The following DPY19L4 variants were observed in gnomAD, a reference collection of about 807,000 sequenced individuals.
DPY19L4 encodes the protein dpy-19 like 4.
DPY19L4 carries 97 observed loss-of-function variants against 102.8 expected under a neutral mutation model. The observed-to-expected ratio is 0.94, with a 90% confidence interval of 0.80 to 1.12. The LOEUF (loss-of-function observed/expected upper bound fraction) is 1.12, where lower values mean the gene tolerates loss of function less well. Ranked by LOEUF, DPY19L4 falls within the 50% of genes most tolerant of loss-of-function variation. DPY19L4 has a pLI of 0.00. For missense variants in DPY19L4, 815 were observed against 850.4 expected, an observed-to-expected ratio of 0.96 and a Z score of 0.52; for synonymous variants, 252 against 283.1, an observed-to-expected ratio of 0.89 and a Z score of 1.10.
In DPY19L4 at chr8:94,738,386, C is replaced by T. The variant is rs1243071214; in HGVS notation, c.270C>T (p.Ile90=). 14 of 1,523,630 alleles carry T rather than the reference C, an allele frequency of 9.2e-6. No individual in the cohort carries two copies. Among genetic ancestry groups the T allele is most frequent in the Non-Finnish European group, 1.1e-5 (12 of 1,138,006 alleles). 94.4% of individuals were successfully genotyped at this position (1,523,630 alleles called of 1,614,324 possible). ...FSNRQELERE[I]TFQGDSAIYY... is the part of the protein sequence containing the mutation. ...TCTTTTAGGAGCTTGAACGGGAAAT[C>T]ACGTTTCAGGGTGACAGTGCCATTT... The change falls in exon 4 of 19, where the codon ATC becomes ATT. Residue 90 remains isoleucine, a synonymous_variant. Transcript: ENST00000414645.
chr8:94,727,953 T>C lies in DPY19L4; in HGVS notation c.127+1512T>C, dbSNP rs188832327. On this transcript the variant is annotated intron_variant, in intron 2 of 18. Coordinates refer to ENST00000414645, the MANE Select transcript of DPY19L4 (RefSeq NM_181787.3). ...CCTTGCAAGCAGGGCTTTCTTTTTTTCCTTTTTCTTTTTCTTTTTTTTTCT... is the reference window on the plus strand; with the variant it reads ...CCTTGCAAGCAGGGCTTTCTTTTTTCCCTTTTTCTTTTTCTTTTTTTTTCT... Among the ~76,000 whole-genome samples, 456 of 152,134 alleles carry C rather than the reference T, an allele frequency of 3.0e-3. 2 individuals are homozygous for C. The highest frequency in any genetic ancestry group is 0.02 in the Middle Eastern group (6 of 294).
chr8:94,764,673 G>A (rs1398652175), intron 8 of DPY19L4, among the ~76,000 whole-genome samples: 1 of 109,574 alleles, frequency 9.1e-6, no homozygotes, highest in Non-Finnish European at 1.8e-5. Context: ...ATGCGTGTGT[G>A]TGTGTGTCTG....
intron 6 of DPY19L4, among the ~76,000 whole-genome samples, chr8:94,741,651 A>G (rs1455752573): frequency 6.6e-6 from 1 of 152,160 alleles, no homozygotes; most frequent in Admixed American, 6.6e-5. Flanking sequence ...ATTCATTTTA[A>G]TTGATTTCAT....
intron 15 of DPY19L4, among the ~76,000 whole-genome samples, chr8:94,780,701 G>A (rs948193852): frequency 4.6e-5 from 7 of 152,052 alleles, no homozygotes; most frequent in African/African-American, 1.7e-4. Context: ...ATTAAAACAC[G>A]TTTTGGTAAC....
chr8:94,751,006 C>T (rs968316040), intron 6 of DPY19L4, among the ~76,000 whole-genome samples: 1 of 152,024 alleles, frequency 6.6e-6, no homozygotes, highest in Non-Finnish European at 1.5e-5. Context: ...GTCTCAAACT[C>T]CTGACCTCAA....
chr8:94,788,666 C>A (rs189511731), intron 18 of DPY19L4, among the ~76,000 whole-genome samples: 1 of 152,206 alleles, frequency 6.6e-6, no homozygotes, highest in Non-Finnish European at 1.5e-5. Flanking sequence ...TGTCTTCCCC[C>A]CCAGCCCCCA....
In DPY19L4 at chr8:94,789,991, C is replaced by A. The variant is rs999404758; in HGVS notation, c.*81C>A. ...TACCTACTCGGTGTCTTTTGCAGAT[C>A]AGAGTATGGACATTTGAAATATTGC... On this transcript the variant is annotated 3_prime_UTR_variant, in exon 19 of 19. Transcript: ENST00000414645. 7.3e-7 allele frequency: 1 copy of A among 1,371,126 alleles called. No individual in the cohort carries two copies. The highest frequency in any genetic ancestry group is 2.2e-5 in the Admixed American group (1 of 44,466). 84.9% of individuals were successfully genotyped at this position (1,371,126 alleles called of 1,614,324 possible). A position where few individuals can be genotyped will look rare whatever the true frequency, so the allele number is the denominator to read the frequency against.
At chr8:94,720,213 T>C in intron 1 of DPY19L4, 199 bp downstream of exon 1, 1 of 985,312 alleles carries the variant, frequency 1.0e-6, no homozygotes, top group Non-Finnish European at 1.2e-6. Flanking sequence ...CCCGAAGTTT[T>C]GTCGGCCGAA....
chr8:94,720,437 G>C (rs1020940079), intron 1 of DPY19L4, among the ~76,000 whole-genome samples: 2 of 152,160 alleles, frequency 1.3e-5, no homozygotes, highest in African/African-American at 4.8e-5. Context: ...GGCACAGGGG[G>C]CGAGGGAACA....
chr8:94,724,578 G>GT (rs960744833), intron 1 of DPY19L4, among the ~76,000 whole-genome samples: 83 of 151,636 alleles, frequency 5.5e-4, no homozygotes, highest in African/African-American at 1.8e-3. Context: ...GTCATTTTTT[G>GT]TTTTTTTTGT....
At chr8:94,733,034 A>T (rs7824332) in intron 2 of DPY19L4, among the ~76,000 whole-genome samples, 2 of 149,888 alleles carry the variant, frequency 1.3e-5, no homozygotes, top group Non-Finnish European at 3.0e-5. Context: ...GTCTGGTTTC[A>T]AACTCATGAG....
At chr8:94,761,559 G>T in intron 7 of DPY19L4, 141 bp from the exon 8 acceptor site, 95 of 702,058 alleles carry the variant, frequency 1.4e-4, no homozygotes, top group East Asian at 3.3e-4. Context: ...TAATAATTAT[G>T]TGATTTAAAA....
chr8:94,764,501 G>A (rs541588710), intron 8 of DPY19L4, among the ~76,000 whole-genome samples: 5 of 149,888 alleles, frequency 3.3e-5, no homozygotes, highest in South Asian at 2.1e-4. Context: ...GCGTGAACCC[G>A]GGAGGCAGAG....
At chr8:94,722,868 A>G (rs1389328036) in intron 1 of DPY19L4, among the ~76,000 whole-genome samples, 1 of 152,144 alleles carries the variant, frequency 6.6e-6, no homozygotes, top group Non-Finnish European at 1.5e-5. Flanking sequence ...CCAAGTAAAT[A>G]CTCTGGGAAT....
In DPY19L4 at chr8:94,793,669, C is replaced by T. The variant is rs1813939451; in HGVS notation, c.*3759C>T. 1 of 152,052 alleles carries T rather than the reference C, an allele frequency of 6.6e-6. No homozygotes were observed. The highest frequency in any genetic ancestry group is 1.5e-5 in the Non-Finnish European group (1 of 68,010). The allele number at this position is 152,052 out of a possible 1,614,324, so 9.4% of individuals were successfully genotyped here. A position where few individuals can be genotyped will look rare whatever the true frequency, so the allele number is the denominator to read the frequency against. On this transcript the variant is annotated 3_prime_UTR_variant, in exon 19 of 19. Transcript: ENST00000414645. ...AGTTGCAAGTAAAATTTAGCAATTTCCTATTCAAACAGGATCTCATTAGTA... is the reference window on the plus strand; with the variant it reads ...AGTTGCAAGTAAAATTTAGCAATTTTCTATTCAAACAGGATCTCATTAGTA...
rs184133145 is a variant in DPY19L4, at chr8:94,788,624, C to T, written c.2007+572C>T. ...CCAAGCTGTGTTTTCCACAAGAAGA[C>T]CACCTAAGACTGACGCACGCGCGCG... On this transcript the variant is annotated intron_variant, in intron 18 of 18. Transcript: ENST00000414645. Among the ~76,000 whole-genome samples the T allele has an allele frequency of 5.0e-3, 654 of 129,876 alleles. 7 individuals are homozygous for T. The highest frequency in any genetic ancestry group is 0.016 in the African/African-American group (612 of 37,230). The allele number at this position is 129,876 out of a possible 152,430, so 85.2% of individuals were successfully genotyped here.
intron 2 of DPY19L4, among the ~76,000 whole-genome samples, chr8:94,727,373 A>G (rs1343954206): frequency 6.6e-6 from 1 of 152,164 alleles, no homozygotes; most frequent in Non-Finnish European, 1.5e-5. Flanking sequence ...AGCTGGAACT[A>G]CAGGCACATG....
At chr8:94,739,604 C>T in intron 5 of DPY19L4, 41 bp from the exon 6 acceptor site, 2 of 1,604,958 alleles carry the variant, frequency 1.2e-6, no homozygotes, top group Non-Finnish European at 8.5e-7. Flanking sequence ...TTATTTAATG[C>T]CATCCTATTG....
intron 2 of DPY19L4, among the ~76,000 whole-genome samples, chr8:94,728,979 A>G (rs1385394290): frequency 1.3e-5 from 2 of 152,024 alleles, no homozygotes; most frequent in African/African-American, 2.4e-5. Flanking sequence ...TTAGGAGTTC[A>G]GGACCGTCCT....
Sources: gnomAD v4.1 joint callset for allele counts (sites outside exome capture counted in the v4.1 genomes callset) on GRCh38, gnomAD v4.1.1 for gene constraint, MANE v1.5 for transcripts, NCBI Gene and HGNC (gene_info 2026-07-23, HGNC 2026-07-21) for gene names.